PPARGC1A: variants seen among roughly 807,000 people sequenced by gnomAD.
PPARGC1A encodes peroxisome proliferator-activated receptor gamma coactivator 1-alpha.
PPARGC1A carries 25 observed loss-of-function variants against 88.7 expected under a neutral mutation model. The observed-to-expected ratio is 0.28, with a 90% CI of 0.21 to 0.39. PPARGC1A has a LOEUF of 0.39. PPARGC1A is among the 10% of genes least tolerant of loss of function. The pLI is 1.00. For missense variants in PPARGC1A, 880 were observed against 968.7 expected, an observed-to-expected ratio of 0.91 and a Z score of 1.22; for synonymous variants, 363 against 355.6, an observed-to-expected ratio of 1.02 and a Z score of -0.24.
chr4:24,058,613 G>A, the PPARGC1A span, among the ~76,000 whole-genome samples: 20 of 152,278 alleles, frequency 1.3e-4, no homozygotes, highest in East Asian at 3.5e-3. Context: ...TCAGGTCAAC[G>A]AGTGAAAAAC....
At chr4:24,170,868 C>T in the PPARGC1A span, among the ~76,000 whole-genome samples, 4 of 152,176 alleles carry the variant, frequency 2.6e-5, no homozygotes, top group East Asian at 3.9e-4. Context: ...ATTCCAAAGG[C>T]GTCATTGCCT....
chr4:24,280,331 A>C, the PPARGC1A span, among the ~76,000 whole-genome samples: 3 of 152,226 alleles, frequency 2.0e-5, no homozygotes, highest in South Asian at 6.2e-4. Context: ...ACAAATGCCA[A>C]ATAAAGAAAC....
chr4:24,325,530 C>A, the PPARGC1A span, among the ~76,000 whole-genome samples: 3 of 152,142 alleles, frequency 2.0e-5, no homozygotes, highest in South Asian at 6.2e-4. Context: ...GCCTGCAGCC[C>A]AGGATTCCTC....
At chr4:24,017,666 G>A in the PPARGC1A span, among the ~76,000 whole-genome samples, 2 of 152,004 alleles carry the variant, frequency 1.3e-5, no homozygotes, top group African/African-American at 4.8e-5. Context: ...ACAGTTTTTA[G>A]CAATCTTTAC....
At chr4:23,910,325 T>TTATATATTATATATAA in the PPARGC1A span, among the ~76,000 whole-genome samples, 1 of 45,230 alleles carries the variant, frequency 2.2e-5, no homozygotes, top group Non-Finnish European at 3.4e-5. Flanking sequence ...ATTATATATA[T>TTATATATTATATATAA]TATATATTAT....
the PPARGC1A span, among the ~76,000 whole-genome samples, chr4:23,931,757 A>C: frequency 1.3e-5 from 2 of 152,228 alleles, no homozygotes; most frequent in African/African-American, 2.4e-5. Flanking sequence ...AAGAGGTGAT[A>C]TATGCTAAGT....
At chr4:24,358,999 A>G in the PPARGC1A span, among the ~76,000 whole-genome samples, 1 of 152,236 alleles carries the variant, frequency 6.6e-6, no homozygotes, top group African/African-American at 2.4e-5. Context: ...CAGGCTGGCT[A>G]CATACAGGCC....
chr4:23,890,076 TAC>T (rs1231795295), upstream of PPARGC1A: 8 of 1,496,870 alleles, frequency 5.3e-6, no homozygotes, highest in Admixed American at 1.2e-4. Context: ...CCTGTCTTAC[TAC>T]AGTCCCCAGT....
At chr4:23,924,318 G>A in the PPARGC1A span, among the ~76,000 whole-genome samples, 1 of 152,182 alleles carries the variant, frequency 6.6e-6, no homozygotes, top group African/African-American at 2.4e-5. Flanking sequence ...GGAACAATTA[G>A]TGTTCACAGT....
intron 2 of PPARGC1A, among the ~76,000 whole-genome samples, chr4:23,849,480 G>A (rs564213638): frequency 5.4e-4 from 82 of 152,206 alleles, no homozygotes; most frequent in African/African-American, 2.0e-3. Context: ...CTTCAATTTG[G>A]AATAGCTGAA....
At chr4:24,370,132 T>C in the PPARGC1A span, among the ~76,000 whole-genome samples, 6 of 152,240 alleles carry the variant, frequency 3.9e-5, no homozygotes, top group African/African-American at 9.6e-5. Flanking sequence ...AACTTTTTGG[T>C]GTTCTTTTAA....
the PPARGC1A span, among the ~76,000 whole-genome samples, chr4:23,988,158 T>G: frequency 6.6e-6 from 1 of 152,240 alleles, no homozygotes; most frequent in South Asian, 2.1e-4. Flanking sequence ...GGTGTATATG[T>G]GCTACATTTT....
intron 2 of PPARGC1A, among the ~76,000 whole-genome samples, chr4:23,873,222 A>AAG (rs1713940007): frequency 1.4e-5 from 2 of 140,954 alleles, no homozygotes; most frequent in Admixed American, 1.4e-4. Flanking sequence ...AAAAATAAAA[A>AAG]ATAAAGAAAA....
At chr4:24,219,334 G>C in the PPARGC1A span, among the ~76,000 whole-genome samples, 2 of 152,186 alleles carry the variant, frequency 1.3e-5, no homozygotes, top group Non-Finnish European at 1.5e-5. Context: ...CCAAGGCTGA[G>C]AGCAGCTGTC....
At chr4:24,084,810 A>C in the PPARGC1A span, among the ~76,000 whole-genome samples, 1 of 152,216 alleles carries the variant, frequency 6.6e-6, no homozygotes, top group Middle Eastern at 3.2e-3. Context: ...AATTACAACC[A>C]GCTATAAGAA....
At chr4:24,115,137 A>G in the PPARGC1A span, among the ~76,000 whole-genome samples, 1 of 152,218 alleles carries the variant, frequency 6.6e-6, no homozygotes, top group African/African-American at 2.4e-5. Context: ...CCCATGTAAT[A>G]TATTTCCTTG....
At chr4:24,066,280 G>A in the PPARGC1A span, among the ~76,000 whole-genome samples, 1 of 152,014 alleles carries the variant, frequency 6.6e-6, no homozygotes, top group Non-Finnish European at 1.5e-5. Context: ...ACTATTGCCA[G>A]GCAAGTAAAA....
At chr4:23,879,306 A>G (rs1369373704) in intron 2 of PPARGC1A, among the ~76,000 whole-genome samples, 1 of 152,226 alleles carries the variant, frequency 6.6e-6, no homozygotes, top group Non-Finnish European at 1.5e-5. Context: ...GGAAGGCTGC[A>G]GGATTTCCTC....
the PPARGC1A span, among the ~76,000 whole-genome samples, chr4:24,460,227 T>C: frequency 6.6e-6 from 1 of 152,210 alleles, no homozygotes; most frequent in Non-Finnish European, 1.5e-5. Flanking sequence ...TTAACATAAC[T>C]CCCTAAGTGA....
Sources: allele counts gnomAD v4.1 joint callset (sites outside exome capture counted in the v4.1 genomes callset), GRCh38; gene constraint gnomAD v4.1.1; transcripts MANE v1.5; gene names NCBI Gene and HGNC (gene_info 2026-07-23, HGNC 2026-07-21).